The following CCDC141 variants were observed in gnomAD, a reference collection of about 807,000 sequenced individuals.
CCDC141 encodes the protein coiled-coil domain-containing protein 141.
A neutral mutation model predicts 181.0 loss-of-function variants in CCDC141; 168 were observed. The observed-to-expected ratio is 0.93, with a 90% CI of 0.82 to 1.05. The LOEUF (loss-of-function observed/expected upper bound fraction) is 1.05. CCDC141 is among the 50% of genes least tolerant of loss of function. CCDC141 has a pLI of 0.00. For synonymous variants in CCDC141, 666 were observed against 642.3 expected (o/e 1.04, Z -0.56); for missense variants, 1,902 against 1,788.5 (o/e 1.06, Z -1.14).
At chr2:179,006,261 A>G (rs2042120966) in intron 2 of CCDC141, among the ~76,000 whole-genome samples, 1 of 152,198 alleles carries the variant, frequency 6.6e-6, no homozygotes, top group African/African-American at 2.4e-5. Context: ...TTATCTTAAC[A>G]TACACGGGGG....
chr2:178,894,999 T>C (rs926621104), intron 8 of CCDC141, among the ~76,000 whole-genome samples: 1 of 152,138 alleles, frequency 6.6e-6, no homozygotes, highest in African/African-American at 2.4e-5. Context: ...AGACTTTCTT[T>C]TTGGTAGTCC....
intron 18 of CCDC141, among the ~76,000 whole-genome samples, chr2:178,855,989 G>A (rs147372091): frequency 1.6e-3 from 250 of 152,324 alleles, no homozygotes; most frequent in Non-Finnish European, 2.7e-3. Flanking sequence ...ATCCATGTGT[G>A]TGTGTATGTG....
chr2:178,856,218 T>C (rs368224227), intron 18 of CCDC141, 39 bp downstream of exon 18: 8 of 1,523,172 alleles, frequency 5.3e-6, no homozygotes, highest in African/African-American at 2.8e-5. Flanking sequence ...AGTACATGCA[T>C]ACACATGCGC....
intron 2 of CCDC141, among the ~76,000 whole-genome samples, chr2:179,026,808 T>G (rs1193856081): frequency 6.6e-6 from 1 of 152,206 alleles, no homozygotes; most frequent in African/African-American, 2.4e-5. Context: ...GGAACCCACC[T>G]TTTGCATCAG....
intron 9 of CCDC141, among the ~76,000 whole-genome samples, chr2:178,888,221 T>C (rs140208412): frequency 9.6e-4 from 146 of 152,276 alleles, no homozygotes; most frequent in Admixed American, 3.7e-3. Flanking sequence ...CTCAGAACCA[T>C]GCAAATGAAA....
At chr2:178,953,132 G>T (rs2154378114) in intron 5 of CCDC141, among the ~76,000 whole-genome samples, 1 of 152,162 alleles carries the variant, frequency 6.6e-6, no homozygotes, top group South Asian at 2.1e-4. Flanking sequence ...ATGGCTCATG[G>T]GCCTTAAAAC....
intron 2 of CCDC141, among the ~76,000 whole-genome samples, chr2:179,001,069 G>C (rs570377172): frequency 5.3e-5 from 8 of 152,184 alleles, no homozygotes; most frequent in Admixed American, 3.9e-4. Flanking sequence ...TCAATCTTGA[G>C]AACACAAGAA....
intron 7 of CCDC141, among the ~76,000 whole-genome samples, chr2:178,910,036 G>A (rs1446817119): frequency 5.9e-5 from 9 of 151,952 alleles, no homozygotes; most frequent in Non-Finnish European, 1.3e-4. Context: ...AGCTCTTTTC[G>A]GTCTTGTTTT....
At position 178,853,510 on chromosome 2, in the gene CCDC141, T is replaced by C; in HGVS notation, c.3175A>G (p.Ile1059Val). 1 of 1,614,130 alleles carries C rather than the reference T, an allele frequency of 6.2e-7. No homozygotes were observed. The highest frequency in any genetic ancestry group is 1.1e-5 in the South Asian group (1 of 91,082). Residue 1059 changes from isoleucine to valine, a missense_variant, in exon 20 of 24, where the codon ATT becomes GTT. By Grantham distance (29) the Ile-to-Val change is conservative. Coordinates refer to ENST00000443758, the MANE Select transcript of CCDC141 (RefSeq NM_173648.4). ...TCTTGCTGCGGCACTGAGGGTGCAA[T>C]AAACTTATTAAACTGCTGGTGGAGA... ...KILHQQFNKF[I>V]APSVPQQEER...
intron 5 of CCDC141, among the ~76,000 whole-genome samples, chr2:178,948,751 T>G (rs1689832644): frequency 6.6e-6 from 1 of 152,164 alleles, no homozygotes; most frequent in Admixed American, 6.5e-5. Context: ...GCCTAGTGTC[T>G]CCACGTGTTC....
At chr2:179,012,063 C>A (rs57231735) in intron 2 of CCDC141, among the ~76,000 whole-genome samples, 1 of 151,982 alleles carries the variant, frequency 6.6e-6, no homozygotes, top group Non-Finnish European at 1.5e-5. Flanking sequence ...CCTTAAGGAA[C>A]TATAGAAACA....
At chr2:178,882,564 A>G (rs1009157040) in intron 11 of CCDC141, among the ~76,000 whole-genome samples, 2 of 152,126 alleles carry the variant, frequency 1.3e-5, no homozygotes, top group Non-Finnish European at 2.9e-5. Flanking sequence ...AGTCAAGGCC[A>G]TTATTCTCAA....
At chr2:178,879,719 TAAATA>T (rs1300513680) in intron 11 of CCDC141, among the ~76,000 whole-genome samples, 10 of 151,844 alleles carry the variant, frequency 6.6e-5, no homozygotes, top group Admixed American at 1.3e-4. Context: ...CTATATGGAG[TAAATA>T]GGGAAGAGCT....
chr2:178,978,185 C>T (rs929381066), intron 3 of CCDC141, among the ~76,000 whole-genome samples: 1 of 152,142 alleles, frequency 6.6e-6, no homozygotes, highest in African/African-American at 2.4e-5. Flanking sequence ...AACTGTATTA[C>T]TACCTTCTAT....
intron 20 of CCDC141, among the ~76,000 whole-genome samples, chr2:178,851,962 A>T (rs1216953395): frequency 1.3e-5 from 2 of 152,234 alleles, no homozygotes; most frequent in East Asian, 3.8e-4. Context: ...TGCAAATTTT[A>T]AAAAATATAT....
intron 14 of CCDC141, among the ~76,000 whole-genome samples, chr2:178,871,175 G>A (rs1419334631): frequency 6.6e-6 from 1 of 152,214 alleles, no homozygotes; most frequent in Non-Finnish European, 1.5e-5. Flanking sequence ...AATTAGCCAT[G>A]TGAATTTTAA....
In CCDC141 at chr2:178,878,145, TA is replaced by T. The variant is rs777300823; in HGVS notation, c.1720-3del. On this transcript the variant is annotated splice_region_variant and splice_polypyrimidine_tract_variant and intron_variant, in intron 11 of 23. Coordinates refer to ENST00000443758, the MANE Select transcript of CCDC141 (RefSeq NM_173648.4). ...TAAGCTCTGAAACTGCATCTCTACC[TA>T]AAAAAGAAAAAAGAGAGTTAAGAAC... 1.3e-6 allele frequency: 2 copies of T among 1,580,542 alleles called. No homozygotes were observed. Among genetic ancestry groups the T allele is most frequent in the South Asian group, 1.2e-5 (1 of 84,230 alleles).
At chr2:179,029,778 ATGT>A (rs2042952696) in intron 2 of CCDC141, among the ~76,000 whole-genome samples, 1 of 152,158 alleles carries the variant, frequency 6.6e-6, no homozygotes, top group African/African-American at 2.4e-5. Context: ...AGGGTTGAAA[ATGT>A]TGTTTGATAT....
At chr2:178,980,579 C>G (rs912632634) in intron 2 of CCDC141, among the ~76,000 whole-genome samples, 2 of 152,240 alleles carry the variant, frequency 1.3e-5, no homozygotes, top group South Asian at 2.1e-4. Flanking sequence ...GGTAGAAAAG[C>G]TTTGAGATAT....
Sources: gnomAD v4.1 joint callset for allele counts (sites outside exome capture counted in the v4.1 genomes callset) on GRCh38, gnomAD v4.1.1 for gene constraint, MANE v1.5 for transcripts, NCBI Gene and HGNC (gene_info 2026-07-23, HGNC 2026-07-21) for gene names.